Variants in SRFBP1 observed in about 807,000 individuals in gnomAD.
The protein encoded by SRFBP1 is serum response factor binding protein 1, also known as serum response factor-binding protein 1.
Under a neutral mutation model 45.5 loss-of-function variants are expected in SRFBP1, and 47 were observed. That is an observed-to-expected ratio of 1.03 (90% CI 0.82 to 1.32). The LOEUF is 1.32. Ranked by LOEUF, SRFBP1 falls within the 40% of genes most tolerant of loss-of-function variation. The probability of loss-of-function intolerance (pLI) is 0.00; values close to 1 mark genes in which losing one functional copy is unlikely to be tolerated. For missense variants in SRFBP1, 621 were observed against 484.6 expected (o/e 1.28, Z -2.64); for synonymous variants, 203 against 166.3 (o/e 1.22, Z -1.70).
intron 5 of SRFBP1, 43 bp downstream of exon 5, chr5:122,019,384 G>C: frequency 1.4e-6 from 2 of 1,471,866 alleles, no homozygotes; most frequent in Non-Finnish European, 1.9e-6. Context: ...TAATGTATTT[G>C]TAGACTTTGG....
chr5:122,008,909 A>G (rs772366016), intron 4 of SRFBP1, among the ~76,000 whole-genome samples: 1 of 152,244 alleles, frequency 6.6e-6, no homozygotes, highest in Non-Finnish European at 1.5e-5. Context: ...TGCTTATGAA[A>G]TAACGTGAGT....
At chr5:122,050,941 G>A (rs1313796663) in intron 2 of SRFBP1, among the ~76,000 whole-genome samples, 1 of 152,114 alleles carries the variant, frequency 6.6e-6, no homozygotes, top group African/African-American at 2.4e-5. Context: ...AGAGATTCTA[G>A]TATGTTGTAT....
intron 4 of SRFBP1, among the ~76,000 whole-genome samples, chr5:122,012,164 GA>G (rs1227136739): frequency 6.6e-6 from 1 of 151,946 alleles, no homozygotes; most frequent in Non-Finnish European, 1.5e-5. Context: ...CTAATTGATT[GA>G]TAAAATCTTT....
chr5:122,029,552 TCA>T (rs562218797), downstream of SRFBP1, among the ~76,000 whole-genome samples: 423 of 152,294 alleles, frequency 2.8e-3, 2 homozygotes, highest in African/African-American at 9.4e-3. Context: ...GTATTTTGCC[TCA>T]CAAATTCTAA....
At chr5:121,979,132 A>G (rs962196210) in intron 3 of SRFBP1, among the ~76,000 whole-genome samples, 1 of 152,246 alleles carries the variant, frequency 6.6e-6, no homozygotes, top group Non-Finnish European at 1.5e-5. Flanking sequence ...ATAAAAGTTA[A>G]GTAAAATGAT....
At chr5:121,992,284 T>A (rs912140572) in intron 3 of SRFBP1, among the ~76,000 whole-genome samples, 2 of 152,114 alleles carry the variant, frequency 1.3e-5, no homozygotes, top group African/African-American at 4.8e-5. Flanking sequence ...ATTCATGGTG[T>A]CTTTCTCCAT....
At chr5:122,028,767 G>A (rs1348607217), downstream of SRFBP1, 1 of 152,156 alleles carries the variant, frequency 6.6e-6, no homozygotes, top group African/African-American at 2.4e-5. Context: ...AAAGGAAAAT[G>A]TCTCTGTACC....
chr5:122,049,795 A>T (rs1259082972), intron 2 of SRFBP1, among the ~76,000 whole-genome samples: 1 of 152,204 alleles, frequency 6.6e-6, no homozygotes, highest in Non-Finnish European at 1.5e-5. Context: ...TAACGAAATG[A>T]AGGCAGAAAT....
At chr5:122,064,112 C>T (rs1414860061) in intron 2 of SRFBP1, 1 of 151,756 alleles carries the variant, frequency 6.6e-6, no homozygotes, top group Non-Finnish European at 1.5e-5. Flanking sequence ...CTATTTAGTC[C>T]ATTTTCTGTC....
At chr5:121,975,411 T>A in intron 3 of SRFBP1, 24 bp downstream of exon 3, 2 of 1,612,140 alleles carry the variant, frequency 1.2e-6, no homozygotes, top group Non-Finnish European at 1.7e-6. Context: ...TGGGTGTGTA[T>A]GTGTGTATGT....
chr5:122,018,679 A>G (rs1753235116), intron 4 of SRFBP1, among the ~76,000 whole-genome samples: 1 of 152,214 alleles, frequency 6.6e-6, no homozygotes, highest in African/African-American at 2.4e-5. Flanking sequence ...CGGCATTTCA[A>G]GTCATTAGCC....
At chr5:122,077,617 G>T (rs1161600253), downstream of SRFBP1, 1 of 1,611,884 alleles carries the variant, frequency 6.2e-7, no homozygotes, top group Non-Finnish European at 8.5e-7. The surrounding 1 kb of genome is among the most constrained non-coding windows in gnomAD (Gnocchi z 4.9). Context: ...CTTGGAACCA[G>T]TGACGGGCGG....
intron 1 of SRFBP1, 96 bp downstream of exon 1, chr5:121,962,164 G>T: frequency 6.6e-7 from 1 of 1,505,874 alleles, no homozygotes. Flanking sequence ...GGGTGCGGTT[G>T]GAGGAACTTT....
At position 121,963,354 on chromosome 5, in the gene SRFBP1, C is replaced by A. The variant is rs78574994; in HGVS notation, c.36+1286C>A. ...TATTTACTCATAAACATACATTAAG[C>A]TTGTGCTTTGTGCCAGAAAGCGTTT... On this transcript the variant is annotated intron_variant, in intron 1 of 7. Coordinates refer to ENST00000339397, the MANE Select transcript of SRFBP1 (RefSeq NM_152546.3). 4.1e-3 allele frequency among the ~76,000 whole-genome samples: 621 copies of A among 152,208 alleles called. 15 individuals carry two copies. The East Asian group carries it at 0.053, about 13-fold the overall frequency.
chr5:122,046,382 G>C (rs894255298), intron 2 of SRFBP1, among the ~76,000 whole-genome samples: 1 of 152,014 alleles, frequency 6.6e-6, no homozygotes, highest in Non-Finnish European at 1.5e-5. Context: ...GAACTCATCA[G>C]TTTTTATGGC....
At chr5:121,995,811 T>G (rs1331368817) in intron 4 of SRFBP1, among the ~76,000 whole-genome samples, 2 of 150,580 alleles carry the variant, frequency 1.3e-5, no homozygotes, top group Non-Finnish European at 3.0e-5. Context: ...ATAGACACAA[T>G]AAAAAATGAT....
In SRFBP1 at chr5:122,027,214, A is replaced by G. The variant is rs1182839726; in HGVS notation, c.*88A>G. 9.3e-6 allele frequency: 10 copies of G among 1,074,948 alleles called. No homozygotes were observed. The highest frequency in any genetic ancestry group is 1.6e-5 in the African/African-American group (1 of 62,158). 66.6% of individuals were successfully genotyped at this position (1,074,948 alleles called of 1,614,324 possible). On this transcript the variant is annotated 3_prime_UTR_variant, in exon 8 of 8. Coordinates refer to ENST00000339397, the MANE Select transcript of SRFBP1 (RefSeq NM_152546.3). ...CTCATTCTGTTGCCCAGACTAGAGT[A>G]CAATATTGCAATCACAGCTCACTGC... is the stretch of plus-strand genomic sequence containing the variant.
At chr5:122,023,860 G>C (rs373638933) in intron 7 of SRFBP1, among the ~76,000 whole-genome samples, 2 of 152,272 alleles carry the variant, frequency 1.3e-5, no homozygotes, top group East Asian at 3.9e-4. Context: ...TTACCGTACT[G>C]AAAATTCTTT....
chr5:122,043,701 G>A (rs962540621), intron 2 of SRFBP1, among the ~76,000 whole-genome samples: 3 of 152,096 alleles, frequency 2.0e-5, no homozygotes, highest in East Asian at 1.9e-4. Context: ...CACGGCTTTA[G>A]AATAAGGGTC....
Sources: gnomAD v4.1 joint callset for allele counts (sites outside exome capture counted in the v4.1 genomes callset) on GRCh38, gnomAD v4.1.1 for gene constraint, Gnocchi (gnomAD v3.1) non-coding constraint, MANE v1.5 for transcripts, NCBI Gene and HGNC (gene_info 2026-07-23, HGNC 2026-07-21) for gene names.